PPL: variants seen among roughly 807,000 people sequenced by gnomAD.
The protein encoded by PPL is 190 kDa paraneoplastic pemphigus antigen.
In PPL, 198 loss-of-function variants were observed where a neutral mutation model predicts 194.4. The observed-to-expected ratio is 1.02, with a 90% CI of 0.91 to 1.15. The LOEUF is 1.15. Ranked by LOEUF, PPL falls within the 50% of genes most tolerant of loss-of-function variation. The probability of loss-of-function intolerance (pLI) is 0.00; values close to 1 mark genes in which losing one functional copy is unlikely to be tolerated. For synonymous variants in PPL, 1,220 were observed against 972.4 expected, an observed-to-expected ratio of 1.25 and a Z score of -4.74; for missense variants, 2,885 against 2,294.8, an observed-to-expected ratio of 1.26 and a Z score of -5.25.
At chr16:4,897,592 C>T in intron 9 of PPL, 83 bp downstream of exon 9, 1 of 1,096,078 alleles carries the variant, frequency 9.1e-7, no homozygotes, top group Non-Finnish European at 1.4e-6. Flanking sequence ...GAGCACGAGG[C>T]CACACATGAG....
chr16:4,921,385 G>A (rs987170252), intron 1 of PPL, among the ~76,000 whole-genome samples: 64 of 152,316 alleles, frequency 4.2e-4, no homozygotes, highest in African/African-American at 1.5e-3. Context: ...AACCACTAGG[G>A]AGGGGGCCTG....
chr16:4,903,577 G>A (rs984216641), intron 3 of PPL, among the ~76,000 whole-genome samples: 6 of 151,962 alleles, frequency 3.9e-5, no homozygotes, highest in African/African-American at 1.5e-4. Flanking sequence ...AAAATTAGCC[G>A]GGCATGGTGG....
Position 4,892,120 on chromosome 16 carries a change from T to A in PPL, c.1744A>T (p.Thr582Ser). The A allele has an allele frequency of 1.2e-6, 2 of 1,613,446 alleles. No homozygotes were observed. Among genetic ancestry groups the A allele is most frequent in the Non-Finnish European group, 1.7e-6 (2 of 1,179,722 alleles). The part of the protein sequence containing the change: ...AFIQALPGSG[T>S]TPLLRTRVED... ...ACCCGGGTCCTCAGCAGGGGTGTGG[T>A]GCCACTGCCTGGGAGGGCCTGGATG... The change falls in exon 15 of 22, where the codon ACC (threonine) becomes TCC (serine). Residue 582 changes from threonine (T) to serine (S), a missense_variant. Thr to Ser is a moderately conservative substitution (Grantham distance 58). Transcript: ENST00000345988.
intron 3 of PPL, among the ~76,000 whole-genome samples, chr16:4,903,594 C>T (rs763160646): frequency 6.6e-6 from 1 of 152,044 alleles, no homozygotes; most frequent in Admixed American, 6.6e-5. Context: ...GTGGTGCATG[C>T]CTGTAATTCC....
At chr16:4,907,916 G>A (rs762502602) in intron 2 of PPL, among the ~76,000 whole-genome samples, 3 of 152,100 alleles carry the variant, frequency 2.0e-5, no homozygotes, top group Non-Finnish European at 4.4e-5. Context: ...AGCACTTTGG[G>A]AGGCCGAGGT....
intron 9 of PPL, among the ~76,000 whole-genome samples, chr16:4,896,636 G>GTT (rs1398263543): frequency 3.5e-5 from 5 of 144,664 alleles, no homozygotes; most frequent in African/African-American, 1.4e-4. Flanking sequence ...TGAGTACGGG[G>GTT]TTGTTTTTTT....
rs2088324369 is a variant in PPL at position 4,891,836 on chromosome 16, A to G, written c.1943T>C (p.Leu648Pro). Residue 648 changes from leucine to proline, a missense_variant, in exon 16 of 22, where the codon CTG (leucine) becomes CCG (proline). Transcript: ENST00000345988. ...CGCCAGCTCCTGCCCCTTGCTGTCC[A>G]GGACACGGCTGCTCTCAGGCACTGT... ...DDTVPESSRV[L>P]DSKGQELAAM... 2 of 1,613,028 alleles carry G rather than the reference A, an allele frequency of 1.2e-6. No homozygotes were observed. The highest frequency in any genetic ancestry group is 4.5e-5 in the East Asian group (2 of 44,884).
intron 9 of PPL, among the ~76,000 whole-genome samples, 182 bp from the exon 10 acceptor site, chr16:4,895,898 T>C (rs928345032): frequency 2.0e-5 from 3 of 152,220 alleles, no homozygotes; most frequent in African/African-American, 7.2e-5. Context: ...CTCCCTGAGC[T>C]GGCTCCTTAG....
In PPL at chr16:4,886,044, G is replaced by A; in HGVS notation, c.2611C>T (p.Pro871Ser). ...EFALNLLRQQ[P>S]EVEVTHETLQ... ...GTCTCATGGGTCACTTCTACTTCCG[G>A]CTGCTGTGATGGAGAAGACAAGACA... is the stretch of plus-strand genomic sequence containing the variant. Residue 871 changes from proline (P) to serine (S), a missense_variant, in exon 22 of 22, where the codon CCG becomes TCG. By Grantham distance (74) the Pro-to-Ser change is moderately conservative. Coordinates refer to ENST00000345988, the MANE Select transcript of PPL (RefSeq NM_002705.5). The A allele has an allele frequency of 6.2e-7, 1 of 1,613,850 alleles. No individual in the cohort carries two copies.
At chr16:4,916,534 C>G (rs2088920109) in intron 1 of PPL, among the ~76,000 whole-genome samples, 1 of 151,966 alleles carries the variant, frequency 6.6e-6, no homozygotes, top group South Asian at 2.1e-4. Flanking sequence ...GAGACAGGGT[C>G]TCACTCTGTT....
At chr16:4,895,870 C>T (rs2088417957) in intron 9 of PPL, among the ~76,000 whole-genome samples, 154 bp from the exon 10 acceptor site, 1 of 152,202 alleles carries the variant, frequency 6.6e-6, no homozygotes, top group African/African-American at 2.4e-5. Context: ...GGCTCCTCTG[C>T]GTGGAGACAG....
intron 17 of PPL, among the ~76,000 whole-genome samples, 169 bp downstream of exon 17, chr16:4,890,559 C>G (rs2088299670): frequency 1.3e-5 from 2 of 152,144 alleles, no homozygotes; most frequent in South Asian, 4.1e-4. Flanking sequence ...GATTACAGGA[C>G]CCAGGTAAGC....
chr16:4,906,252 TCTCA>T (rs2088680438), intron 2 of PPL, among the ~76,000 whole-genome samples: 1 of 152,036 alleles, frequency 6.6e-6, no homozygotes, highest in African/African-American at 2.4e-5. Flanking sequence ...TGAGATGGAG[TCTCA>T]CTCTGTTGCC....
intron 2 of PPL, among the ~76,000 whole-genome samples, chr16:4,910,004 A>T (rs868827598): frequency 2.6e-5 from 4 of 152,028 alleles, no homozygotes; most frequent in Non-Finnish European, 5.9e-5. Flanking sequence ...CCCCTTCTAA[A>T]CCTCAGTTGC....
chr16:4,926,550 T>G (rs912099711), intron 1 of PPL, among the ~76,000 whole-genome samples: 1 of 151,950 alleles, frequency 6.6e-6, no homozygotes, highest in African/African-American at 2.4e-5. Flanking sequence ...AGCTAGTAGG[T>G]AGGTTAAGGA....
rs200709609 is a variant in PPL, at chr16:4,899,066, T to C, written c.823A>G (p.Ser275Gly). 371 of 1,598,122 alleles carry C rather than the reference T, an allele frequency of 2.3e-4. 1 individual carries two copies. Among genetic ancestry groups the C allele is most frequent in the Non-Finnish European group, 2.9e-4 (344 of 1,171,376 alleles). ...AKEERINKLH[S>G]EGDQLLAAEH... ...GCCGCCAGCAGCTGGTCGCCCTCGC[T>C]GTGCAGTTTGTTGATTCTCTCCTCT... is the stretch of plus-strand genomic sequence containing the variant. Residue 275 changes from serine (S) to glycine (G), a missense_variant, in exon 8 of 22, where the codon AGC becomes GGC. Physicochemically the swap from Ser to Gly is moderately conservative, Grantham distance 56. Coordinates refer to ENST00000345988, the MANE Select transcript of PPL (RefSeq NM_002705.5).
intron 1 of PPL, among the ~76,000 whole-genome samples, chr16:4,921,666 C>T (rs1037721692): frequency 3.9e-5 from 6 of 152,066 alleles, no homozygotes; most frequent in Non-Finnish European, 7.4e-5. Context: ...GGGGTTTCAC[C>T]GTGTTGGCCA....
chr16:4,924,167 C>G (rs183130729), intron 1 of PPL, among the ~76,000 whole-genome samples: 2 of 152,294 alleles, frequency 1.3e-5, no homozygotes, highest in Admixed American at 1.3e-4. Flanking sequence ...TTACATTTTT[C>G]TAGTAGCCAC....
At position 4,912,799 on chromosome 16, in the gene PPL, C is replaced by T. The variant is rs1413623021; in HGVS notation, c.63-1850G>A. Among the ~76,000 whole-genome samples, 4 of 152,256 alleles carry T rather than the reference C, an allele frequency of 2.6e-5. No homozygotes were observed. In the East Asian group the frequency reaches 7.7e-4, roughly 29 times the overall value. On this transcript the variant is annotated intron_variant, in intron 1 of 21. Transcript: ENST00000345988. Reference sequence around the variant, plus strand: ...GGCCCAGCCTTTCTCCTGATCTTCTCAGAGCGCCTGAAAGAGACTTGAGGC... The same window carrying T: ...GGCCCAGCCTTTCTCCTGATCTTCTTAGAGCGCCTGAAAGAGACTTGAGGC...
Sources: allele counts gnomAD v4.1 joint callset (sites outside exome capture counted in the v4.1 genomes callset), GRCh38; gene constraint gnomAD v4.1.1; transcripts MANE v1.5; gene names NCBI Gene and HGNC (gene_info 2026-07-23, HGNC 2026-07-21).